PLEKHA2: variants seen among roughly 807,000 people sequenced by gnomAD.
PLEKHA2 encodes pleckstrin homology domain-containing family A member 2.
A neutral mutation model predicts 53.2 loss-of-function variants in PLEKHA2; 28 were observed. That is an observed-to-expected ratio of 0.53 (90% confidence interval 0.39 to 0.72). The LOEUF (loss-of-function observed/expected upper bound fraction) is 0.72. Ranked by LOEUF, PLEKHA2 falls within the 30% of genes least tolerant of loss-of-function variation. The probability of loss-of-function intolerance (pLI) is 0.00; values close to 1 mark genes in which losing one functional copy is unlikely to be tolerated. For synonymous variants in PLEKHA2, 193 were observed against 196.4 expected (o/e 0.98, Z 0.14); for missense variants, 426 against 537.9 (o/e 0.79, Z 2.06).
At chr8:38,931,488 T>G (rs1472217986) in intron 2 of PLEKHA2, among the ~76,000 whole-genome samples, 1 of 152,144 alleles carries the variant, frequency 6.6e-6, no homozygotes, top group East Asian at 1.9e-4. Context: ...TCCTGCCTCT[T>G]CTACCCGATC....
chr8:38,927,164 TG>T, intron 2 of PLEKHA2, among the ~76,000 whole-genome samples: 1 of 152,342 alleles, frequency 6.6e-6, no homozygotes, highest in Non-Finnish European at 1.5e-5. Flanking sequence ...ATTTGTTCAA[TG>T]TATTTATTAT....
intron 10 of PLEKHA2, among the ~76,000 whole-genome samples, chr8:38,960,630 A>G (rs1835024719): frequency 6.6e-6 from 1 of 152,258 alleles, no homozygotes; most frequent in Non-Finnish European, 1.5e-5. Context: ...ATAATAGAAG[A>G]CAACAGGATT....
intron 10 of PLEKHA2, among the ~76,000 whole-genome samples, chr8:38,967,375 G>A (rs1427821591): frequency 6.6e-6 from 1 of 152,132 alleles, no homozygotes; most frequent in Non-Finnish European, 1.5e-5. Context: ...ACCCACTATT[G>A]GGATTGCTGA....
At chr8:38,966,608 G>A (rs1343518496) in intron 10 of PLEKHA2, among the ~76,000 whole-genome samples, 2 of 152,194 alleles carry the variant, frequency 1.3e-5, no homozygotes, top group Non-Finnish European at 2.9e-5. Context: ...GCAGTAGCGA[G>A]GCCGCTGGAG....
At chr8:38,931,562 A>G (rs1350376306) in intron 2 of PLEKHA2, among the ~76,000 whole-genome samples, 1 of 152,166 alleles carries the variant, frequency 6.6e-6, no homozygotes, top group Non-Finnish European at 1.5e-5. Flanking sequence ...GTGACCCCCA[A>G]GTTGGAACCT....
At chr8:38,949,881 A>G (rs1834794091) in intron 5 of PLEKHA2, among the ~76,000 whole-genome samples, 2 of 152,158 alleles carry the variant, frequency 1.3e-5, no homozygotes, top group Non-Finnish European at 1.5e-5. Flanking sequence ...AAGGTCTCTC[A>G]GGTGGTTCGT....
At chr8:38,954,431 C>T (rs1834899809) in intron 9 of PLEKHA2, among the ~76,000 whole-genome samples, 1 of 152,180 alleles carries the variant, frequency 6.6e-6, no homozygotes, top group Non-Finnish European at 1.5e-5. Flanking sequence ...CCTGGAGGGC[C>T]CTTGCAGATG....
intron 9 of PLEKHA2, among the ~76,000 whole-genome samples, chr8:38,956,820 T>G (rs1834949232): frequency 6.6e-6 from 1 of 152,110 alleles, no homozygotes; most frequent in Admixed American, 6.6e-5. Flanking sequence ...GAGGAGTCAT[T>G]TAAGCTCTGA....
intron 5 of PLEKHA2, chr8:38,950,611 G>T: frequency 2.6e-6 from 1 of 390,446 alleles, no homozygotes; most frequent in Non-Finnish European, 4.5e-6. Flanking sequence ...GGGAAGGGCT[G>T]GCTCATAAGT....
rs1835200853 is a variant in PLEKHA2 at position 38,969,441 on chromosome 8, C to T, written c.936C>T (p.Ser312=). ...CHPRETSFSR[S]ISLTRPGSSS... ...TATAGGAAACGTCCTTTTCTAGATC[C>T]ATTTCTTTGACCCGACCTGGAAGCT... Residue 312 remains serine, a synonymous_variant, in exon 12 of 12, where the codon TCC becomes TCT. Transcript: ENST00000617275. The T allele has an allele frequency of 5.6e-6, 9 of 1,612,506 alleles. No homozygotes were observed. The highest frequency in any genetic ancestry group is 6.8e-6 in the Non-Finnish European group (8 of 1,179,540).
intron 9 of PLEKHA2, among the ~76,000 whole-genome samples, chr8:38,954,720 G>A (rs904398675): frequency 1.3e-5 from 2 of 152,008 alleles, no homozygotes; most frequent in East Asian, 1.9e-4. Context: ...GCCTGGTGCC[G>A]TTTTAAAAAA....
intron 3 of PLEKHA2, among the ~76,000 whole-genome samples, chr8:38,942,227 C>A (rs1208917043): frequency 6.6e-6 from 1 of 151,918 alleles, no homozygotes; most frequent in Non-Finnish European, 1.5e-5. Flanking sequence ...CATAGCGAGA[C>A]CCCATCTCTA....
intron 1 of PLEKHA2, among the ~76,000 whole-genome samples, chr8:38,908,179 G>A (rs1833906405): frequency 6.6e-6 from 1 of 152,184 alleles, no homozygotes; most frequent in Admixed American, 6.5e-5. Flanking sequence ...TTGGGACTGA[G>A]TATTCTGTTG....
At chr8:38,924,249 G>A (rs548578355) in intron 2 of PLEKHA2, among the ~76,000 whole-genome samples, 1 of 152,294 alleles carries the variant, frequency 6.6e-6, no homozygotes, top group East Asian at 1.9e-4. Flanking sequence ...GGAAACAGCA[G>A]TCATTGTGGG....
chr8:38,933,962 C>T (rs1834444749), intron 2 of PLEKHA2, among the ~76,000 whole-genome samples: 1 of 151,590 alleles, frequency 6.6e-6, no homozygotes, highest in East Asian at 1.9e-4. Flanking sequence ...TTTCTAGGTC[C>T]CCCACTCTAA....
chr8:38,924,714 G>A (rs1834253736), intron 2 of PLEKHA2, among the ~76,000 whole-genome samples: 1 of 152,218 alleles, frequency 6.6e-6, no homozygotes, highest in African/African-American at 2.4e-5. Flanking sequence ...AAGAGATGGA[G>A]GGAATTTGGG....
chr8:38,937,185 G>A (rs1009560596), intron 3 of PLEKHA2, among the ~76,000 whole-genome samples: 10 of 152,240 alleles, frequency 6.6e-5, no homozygotes, highest in East Asian at 1.9e-4. Flanking sequence ...GCAGGGCAGC[G>A]TCAGGGCGGA....
chr8:38,936,007 G>C lies in PLEKHA2; in HGVS notation c.155G>C (p.Gly52Ala). 1.9e-6 allele frequency: 3 copies of C among 1,613,556 alleles called. No individual in the cohort carries two copies. Among genetic ancestry groups the C allele is most frequent in the Non-Finnish European group, 2.5e-6 (3 of 1,179,564 alleles). ...YMDNPQNLAM[G>A]AGAVGALQLT... ...TGTGTCTTTCAGAATCTGGCAATGGGGGCAGGAGCTGTTGGAGCTTTGCAG... is the reference window on the plus strand; with the variant it reads ...TGTGTCTTTCAGAATCTGGCAATGGCGGCAGGAGCTGTTGGAGCTTTGCAG... The change falls in exon 3 of 12, where the codon GGG becomes GCG. Residue 52 changes from glycine to alanine, a missense_variant. By Grantham distance (60) the Gly-to-Ala change is moderately conservative (BLOSUM62 0). Transcript: ENST00000617275.
At position 38,940,650 on chromosome 8, in the gene PLEKHA2, C is replaced by CCGG. The variant is rs1457989198; in HGVS notation, c.199-3139_199-3138insCGG. On this transcript the variant is annotated intron_variant, in intron 3 of 11. Coordinates refer to ENST00000617275, the MANE Select transcript of PLEKHA2 (RefSeq NM_021623.2). The stretch of plus-strand genomic sequence containing the variant: ...TATGCCGTGGTCCAGATTGAAGGGG[C>CCGG]GGGGGGGGGGGGTCAGAAACCCAGG... Among the ~76,000 whole-genome samples the CCGG allele has an allele frequency of 2.3e-3, 132 of 56,936 alleles. 2 individuals carry two copies. The highest frequency in any genetic ancestry group is 0.01 in the African/African-American group (126 of 12,244). 37.4% of individuals were successfully genotyped at this position (56,936 alleles called of 152,430 possible). A position where few individuals can be genotyped will look rare whatever the true frequency, so the allele number is the denominator to read the frequency against.
Sources: allele counts gnomAD v4.1 joint callset (sites outside exome capture counted in the v4.1 genomes callset), GRCh38; gene constraint gnomAD v4.1.1; transcripts MANE v1.5; gene names NCBI Gene and HGNC (gene_info 2026-07-23, HGNC 2026-07-21).